The following ZNF892 variants were observed in gnomAD, a reference collection of about 807,000 sequenced individuals.
The protein encoded by ZNF892 is zinc finger protein 892, also known as zinc finger protein 570-like.
At chr2:95,241,058 A>G in the ZNF892 span, among the ~76,000 whole-genome samples, 2 of 152,220 alleles carry the variant, frequency 1.3e-5, no homozygotes, top group Non-Finnish European at 2.9e-5. Flanking sequence ...TGGTCGACTC[A>G]GCCATTCCAG....
the ZNF892 span, chr2:95,207,555 C>T: frequency 5.5e-6 from 2 of 365,992 alleles, no homozygotes; most frequent in East Asian, 4.0e-5. Context: ...GCTAGGCGTC[C>T]CCGCCGGCTG....
chr2:95,262,555 C>T, the ZNF892 span, among the ~76,000 whole-genome samples: 3 of 152,292 alleles, frequency 2.0e-5, no homozygotes, highest in Middle Eastern at 3.4e-3. Flanking sequence ...TCCTCTCAGC[C>T]ATCTCTGAGC....
the ZNF892 span, among the ~76,000 whole-genome samples, chr2:95,219,179 T>A: frequency 6.6e-6 from 1 of 151,654 alleles, no homozygotes; most frequent in Non-Finnish European, 1.5e-5. Context: ...TTTTTTTTTT[T>A]GTATTTTTAG....
At chr2:95,207,800 G>A in the ZNF892 span, 2 of 398,680 alleles carry the variant, frequency 5.0e-6, no homozygotes, top group Non-Finnish European at 4.4e-6. Context: ...AGCGCGGGCC[G>A]GAGGAAGGAG....
At chr2:95,221,041 AT>A in the ZNF892 span, among the ~76,000 whole-genome samples, 3 of 152,356 alleles carry the variant, frequency 2.0e-5, no homozygotes, top group South Asian at 2.1e-4. Context: ...AAGAATGAAA[AT>A]AACTGAGATT....
the ZNF892 span, chr2:95,259,370 T>A: frequency 6.5e-6 from 1 of 152,756 alleles, no homozygotes; most frequent in African/African-American, 2.4e-5. Flanking sequence ...ACCCCAGAGA[T>A]CCAGGCAGAT....
chr2:95,233,672 CAAAAAAAAAAAAAA>C, the ZNF892 span, among the ~76,000 whole-genome samples: 2 of 35,174 alleles, frequency 5.7e-5, no homozygotes, highest in African/African-American at 2.5e-4. Flanking sequence ...GACTCCATCT[CAAAAAAAAAAAAAA>C]AAAAAAAAAA....
the ZNF892 span, among the ~76,000 whole-genome samples, chr2:95,212,641 T>C: frequency 1.3e-5 from 2 of 152,220 alleles, no homozygotes; most frequent in Non-Finnish European, 2.9e-5. Context: ...TCAATGACTG[T>C]AAATTCATCT....
chr2:95,240,903 T>G, the ZNF892 span, among the ~76,000 whole-genome samples: 5 of 152,180 alleles, frequency 3.3e-5, no homozygotes, highest in African/African-American at 7.2e-5. Context: ...CAGACTGTTT[T>G]AAGCAGCACC....
the ZNF892 span, among the ~76,000 whole-genome samples, chr2:95,257,191 A>T: frequency 6.6e-6 from 1 of 151,900 alleles, no homozygotes; most frequent in Non-Finnish European, 1.5e-5. Context: ...TTTTCCCCAT[A>T]TTTGTGGTTT....
At chr2:95,241,804 C>T in the ZNF892 span, among the ~76,000 whole-genome samples, 2 of 152,060 alleles carry the variant, frequency 1.3e-5, no homozygotes, top group Non-Finnish European at 2.9e-5. Flanking sequence ...AGGAACATAA[C>T]TGACTTGATG....
the ZNF892 span, chr2:95,208,548 TGTTGACTCTTCTTAG>T: frequency 2.5e-6 from 1 of 397,872 alleles, no homozygotes; most frequent in Non-Finnish European, 4.4e-6. Context: ...TGGTTCCCAG[TGTTGACTCTTCTTAG>T]ATGACAACTA....
chr2:95,234,616 A>G, the ZNF892 span, among the ~76,000 whole-genome samples: 1 of 152,192 alleles, frequency 6.6e-6, no homozygotes, highest in East Asian at 1.9e-4. Context: ...CCAAGAGGAC[A>G]GGGTAGGAGG....
At chr2:95,230,325 T>C in the ZNF892 span, among the ~76,000 whole-genome samples, 1 of 152,166 alleles carries the variant, frequency 6.6e-6, no homozygotes, top group Non-Finnish European at 1.5e-5. Context: ...CTAAGGTACT[T>C]ATCCATGTAA....
the ZNF892 span, among the ~76,000 whole-genome samples, chr2:95,221,094 A>T: frequency 2.6e-5 from 4 of 152,210 alleles, no homozygotes; most frequent in Admixed American, 2.6e-4. Context: ...GTTTCCTCAT[A>T]GATATATGTT....
the ZNF892 span, among the ~76,000 whole-genome samples, chr2:95,240,075 C>A: frequency 3.3e-4 from 50 of 151,926 alleles, no homozygotes; most frequent in South Asian, 8.5e-3. Context: ...CCTTTAAGAT[C>A]TTCCAGGGGT....
At chr2:95,234,827 C>A in the ZNF892 span, among the ~76,000 whole-genome samples, 1 of 152,306 alleles carries the variant, frequency 6.6e-6, no homozygotes, top group Admixed American at 6.5e-5. Flanking sequence ...GAAAACTAAC[C>A]CTCTTTGGGT....
the ZNF892 span, among the ~76,000 whole-genome samples, chr2:95,224,509 C>T: frequency 2.6e-5 from 4 of 152,192 alleles, no homozygotes; most frequent in Middle Eastern, 3.4e-3. Context: ...GAAACAGGCT[C>T]ATCTTACATG....
the ZNF892 span, among the ~76,000 whole-genome samples, chr2:95,231,461 T>A: frequency 6.6e-6 from 1 of 152,230 alleles, no homozygotes; most frequent in Non-Finnish European, 1.5e-5. Context: ...GATTGGGGTG[T>A]GCATACAACT....
Sources: allele counts gnomAD v4.1 joint callset (sites outside exome capture counted in the v4.1 genomes callset), GRCh38; gene constraint gnomAD v4.1.1; transcripts MANE v1.5; gene names NCBI Gene and HGNC (gene_info 2026-07-23, HGNC 2026-07-21).